CBX5: variants seen among roughly 807,000 people sequenced by gnomAD.
CBX5 encodes the protein chromobox 5.
Under a neutral mutation model 20.7 loss-of-function variants are expected in CBX5, and 7 were observed. That is an observed-to-expected ratio of 0.34 (90% confidence interval 0.19 to 0.63). The LOEUF is 0.63. Among genes scored for constraint, CBX5 ranks in the 30% least tolerant of loss-of-function variants. The probability of loss-of-function intolerance (pLI) is 0.75; values close to 1 mark genes in which losing one functional copy is unlikely to be tolerated. For synonymous variants in CBX5, 78 were observed against 77.0 expected, an observed-to-expected ratio of 1.01 and a Z score of -0.07; for missense variants, 110 against 224.1, an observed-to-expected ratio of 0.49 and a Z score of 3.25.
At chr12:54,259,136 C>T (rs1943890570) in intron 1 of CBX5, 1 of 151,988 alleles carries the variant, frequency 6.6e-6, no homozygotes, top group Non-Finnish European at 1.5e-5. Flanking sequence ...ATAATTTTTC[C>T]ATGAATTTAG....
At chr12:54,265,053 T>C (rs909008094) in intron 1 of CBX5, among the ~76,000 whole-genome samples, 3 of 152,184 alleles carry the variant, frequency 2.0e-5, no homozygotes, top group Non-Finnish European at 4.4e-5. Context: ...AGAGCGCATA[T>C]GCAAAGCTCC....
chr12:54,269,482 A>G (rs1481103499), intron 1 of CBX5, among the ~76,000 whole-genome samples: 1 of 151,400 alleles, frequency 6.6e-6, no homozygotes, highest in Admixed American at 6.6e-5. Flanking sequence ...TCCGCCTCTG[A>G]GGTTCAAGCG....
chr12:54,237,632 A>G lies in CBX5; in HGVS notation c.*4123T>C, dbSNP rs1943636619. On this transcript the variant is annotated 3_prime_UTR_variant, in exon 5 of 5. Coordinates refer to ENST00000209875, the MANE Select transcript of CBX5 (RefSeq NM_012117.3). Reference sequence around the variant, plus strand: ...TATAGCATTGTGAGCAAAAAACAGAAGCTTGTTTTGGGGACAGGAATTCCA... The same window carrying G: ...TATAGCATTGTGAGCAAAAAACAGAGGCTTGTTTTGGGGACAGGAATTCCA... The G allele has an allele frequency of 6.5e-6, 1 of 153,048 alleles. No homozygotes were observed. The highest frequency in any genetic ancestry group is 1.5e-5 in the Non-Finnish European group (1 of 68,252). The allele number at this position is 153,048 out of a possible 1,614,324, so 9.5% of individuals were successfully genotyped here.
intron 1 of CBX5, chr12:54,276,485 G>A (rs780699206): frequency 6.6e-6 from 1 of 152,214 alleles, no homozygotes; most frequent in Admixed American, 6.5e-5. Context: ...TTGAAATATG[G>A]TTTCTACTGA....
At chr12:54,274,637 T>C (rs2137032947) in intron 1 of CBX5, among the ~76,000 whole-genome samples, 1 of 152,256 alleles carries the variant, frequency 6.6e-6, no homozygotes, top group South Asian at 2.1e-4. Flanking sequence ...AATCATGCTA[T>C]GTGGTTAAAG....
chr12:54,246,223 T>TAGAAGATAA lies in CBX5; in HGVS notation c.325-17_325-9dup, dbSNP rs1943734374. 1 of 1,601,092 alleles carries TAGAAGATAA rather than the reference T, an allele frequency of 6.2e-7. No individual in the cohort carries two copies. The highest frequency in any genetic ancestry group is 1.3e-5 in the African/African-American group (1 of 74,648). ...AGCGATATCATTGCTCTGCTATAAA[T>TAGAAGATAA]AGAAGATAAAGAAAGGTTACAGCTT... On this transcript the variant is annotated splice_polypyrimidine_tract_variant and intron_variant, in intron 3 of 4. Transcript: ENST00000209875.
chr12:54,257,918 G>A (rs1169666746), intron 1 of CBX5, among the ~76,000 whole-genome samples: 1 of 152,082 alleles, frequency 6.6e-6, no homozygotes, highest in Non-Finnish European at 1.5e-5. Flanking sequence ...ATTATTAGAA[G>A]GCACAACTGT....
chr12:54,277,456 C>G (rs1471031149), intron 1 of CBX5, among the ~76,000 whole-genome samples: 1 of 152,014 alleles, frequency 6.6e-6, no homozygotes, highest in African/African-American at 2.4e-5. Context: ...CCACCCGCCT[C>G]GGCCTCCCAA....
Position 54,236,428 on chromosome 12 carries a change from A to G in CBX5, c.*5327T>C, listed in dbSNP as rs768109556. On this transcript the variant is annotated 3_prime_UTR_variant, in exon 5 of 5. Transcript: ENST00000209875. ...AATGTGGCTGGAATTTAGAAAGCTT[A>G]ATAAAAATTGGGTGAGGGGGCATCT... 17 of 152,244 alleles carry G rather than the reference A, an allele frequency of 1.1e-4. No individual in the cohort carries two copies. Among genetic ancestry groups the G allele is most frequent in the South Asian group, 4.1e-4 (2 of 4,836 alleles). The allele number at this position is 152,244 out of a possible 1,614,324, so 9.4% of individuals were successfully genotyped here. A position where few individuals can be genotyped will look rare whatever the true frequency, so the allele number is the denominator to read the frequency against.
rs1326273575 is a variant in CBX5, at chr12:54,236,919, C to CT, written c.*4835dup. 2 of 152,200 alleles carry CT rather than the reference C, an allele frequency of 1.3e-5. No homozygotes were observed. Among genetic ancestry groups the CT allele is most frequent in the Non-Finnish European group, 2.9e-5 (2 of 68,048 alleles). The allele number at this position is 152,200 out of a possible 1,614,324, so 9.4% of individuals were successfully genotyped here. A position where few individuals can be genotyped will look rare whatever the true frequency, so the allele number is the denominator to read the frequency against. On this transcript the variant is annotated 3_prime_UTR_variant, in exon 5 of 5. Coordinates refer to ENST00000209875, the MANE Select transcript of CBX5 (RefSeq NM_012117.3). ...AATCCCAAAAACCTTCCCCAATGCC[C>CT]TGTGGTTTGGCCTGAACATAGGGAA...
At position 54,245,307 on chromosome 12, in the gene CBX5, G is replaced by A. The variant is rs77067321; in HGVS notation, c.425+808C>T. Among the ~76,000 whole-genome samples, 5 of 151,936 alleles carry A rather than the reference G, an allele frequency of 3.3e-5. No homozygotes were observed. In the South Asian group the frequency reaches 6.3e-4, roughly 19 times the overall value. On this transcript the variant is annotated intron_variant, in intron 4 of 4. Transcript: ENST00000209875. Reference sequence around the variant, plus strand: ...ATTACAGGTGTGAGCCACTGCATCCGACCTTTATATATTTTCTACCTCAAA... The same window carrying A: ...ATTACAGGTGTGAGCCACTGCATCCAACCTTTATATATTTTCTACCTCAAA...
chr12:54,269,599 G>C (rs755518348), intron 1 of CBX5, among the ~76,000 whole-genome samples: 46 of 152,266 alleles, frequency 3.0e-4, no homozygotes, highest in Non-Finnish European at 5.0e-4. Flanking sequence ...ATGCTAGCCA[G>C]GCTGGTCTTG....
In CBX5 at chr12:54,241,639, G is replaced by T. The variant is rs1943677867; in HGVS notation, c.*116C>A. The T allele has an allele frequency of 2.1e-6, 2 of 946,788 alleles. No individual in the cohort carries two copies. The highest frequency in any genetic ancestry group is 2.5e-5 in the East Asian group (1 of 40,634). The allele number at this position is 946,788 out of a possible 1,614,324, so 58.6% of individuals were successfully genotyped here. On this transcript the variant is annotated 3_prime_UTR_variant, in exon 5 of 5. Transcript: ENST00000209875. Reference sequence around the variant, plus strand: ...CAACATTTCTCCTGTGGAGCACAGTGATAAGCACATTTTTTATGGATGTGT... The same window carrying T: ...CAACATTTCTCCTGTGGAGCACAGTTATAAGCACATTTTTTATGGATGTGT...
chr12:54,266,637 C>A (rs987981754), intron 1 of CBX5, among the ~76,000 whole-genome samples: 1 of 152,010 alleles, frequency 6.6e-6, no homozygotes, highest in Non-Finnish European at 1.5e-5. Context: ...GGTTGTATGT[C>A]CCCCAGGCTC....
In CBX5 at chr12:54,241,791, A is replaced by T. The variant is rs1180211592; in HGVS notation, c.540T>A (p.Asp180Glu). ...CTGTTTCTTTCTCTTTGTTTTCCGC[A>T]TCCTCAGGATATGCATGCCATGTCA... ...ERLTWHAYPE[D>E]AENKEKETAK... Residue 180 changes from aspartate (D) to glutamate (E), a missense_variant, in exon 5 of 5, where the codon GAT becomes GAA. This residue lies in a region of CBX5 where 31 missense variants were observed against 84.9 expected (regional missense o/e 0.37). Transcript: ENST00000209875. 6.2e-7 allele frequency: 1 copy of T among 1,612,704 alleles called. No individual in the cohort carries two copies. Among genetic ancestry groups the T allele is most frequent in the Middle Eastern group, 1.7e-4 (1 of 6,052 alleles).
intron 3 of CBX5, 102 bp downstream of exon 3, chr12:54,251,939 C>T: frequency 2.0e-6 from 2 of 1,002,712 alleles, no homozygotes; most frequent in Non-Finnish European, 2.8e-6. Flanking sequence ...CCTTATAGGT[C>T]CATCCTTACA....
rs1374933070 is a variant in CBX5 at position 54,232,424 on chromosome 12, A to G, written c.*9331T>C. ...AGTATTCTATTAACTTTGATTTACA[A>G]TGCCTCACAACAACACCCCTGTGAG... On this transcript the variant is annotated 3_prime_UTR_variant, in exon 5 of 5. Coordinates refer to ENST00000209875, the MANE Select transcript of CBX5 (RefSeq NM_012117.3). 6.6e-6 allele frequency: 1 copy of G among 152,190 alleles called. No homozygotes were observed. Among genetic ancestry groups the G allele is most frequent in the Admixed American group, 6.5e-5 (1 of 15,270 alleles). The allele number at this position is 152,190 out of a possible 1,614,324, so 9.4% of individuals were successfully genotyped here.
intron 1 of CBX5, chr12:54,276,807 G>A (rs1443039648): frequency 6.6e-6 from 1 of 152,228 alleles, no homozygotes; most frequent in Non-Finnish European, 1.5e-5. Context: ...TTCAATGTGT[G>A]TACAGGATTA....
At chr12:54,245,846 C>G (rs1482799560) in intron 4 of CBX5, among the ~76,000 whole-genome samples, 1 of 151,908 alleles carries the variant, frequency 6.6e-6, no homozygotes, top group Non-Finnish European at 1.5e-5. Flanking sequence ...GGCATGGTGG[C>G]GGGCACCTGT....
Sources: gnomAD v4.1 joint callset for allele counts (sites outside exome capture counted in the v4.1 genomes callset) on GRCh38, gnomAD v4.1.1 for gene constraint, gnomAD v4.1.1 regional missense constraint, MANE v1.5 for transcripts, NCBI Gene and HGNC (gene_info 2026-07-23, HGNC 2026-07-21) for gene names.